The following RBFOX1 variants were observed in gnomAD, a reference collection of about 807,000 sequenced individuals.
The protein encoded by RBFOX1 is RNA binding protein fox-1 homolog 1.
In RBFOX1, 8 loss-of-function variants were observed where a neutral mutation model predicts 57.7. The observed-to-expected ratio is 0.14, with a 90% CI of 0.08 to 0.25. The LOEUF (loss-of-function observed/expected upper bound fraction) is 0.25, where lower values mean the gene tolerates loss of function less well. Among genes scored for constraint, RBFOX1 ranks in the 10% least tolerant of loss-of-function variants. RBFOX1 has a pLI of 1.00. For synonymous variants in RBFOX1, 326 were observed against 222.4 expected (o/e 1.47, Z -4.15); for missense variants, 611 against 548.5 (o/e 1.11, Z -1.14).
chr16:7,523,548 T>G (rs2152285334), intron 5 of RBFOX1, among the ~76,000 whole-genome samples: 1 of 152,306 alleles, frequency 6.6e-6, no homozygotes, highest in South Asian at 2.1e-4. Context: ...AAATGTATGG[T>G]GGACCGGTTA....
At chr16:5,954,273 C>T (rs887027791) in intron 4 of RBFOX1, among the ~76,000 whole-genome samples, 1 of 152,166 alleles carries the variant, frequency 6.6e-6, no homozygotes, top group African/African-American at 2.4e-5. Context: ...CCCCACCCAC[C>T]CACCTCTGGA....
At chr16:6,784,958 C>T (rs910198881) in intron 3 of RBFOX1, among the ~76,000 whole-genome samples, 2 of 151,930 alleles carry the variant, frequency 1.3e-5, no homozygotes, top group African/African-American at 4.8e-5. Context: ...CTTAACTGCT[C>T]ATATAGGGGA....
At chr16:5,856,261 GTA>G (rs34182050) in intron 3 of RBFOX1, among the ~76,000 whole-genome samples, 35,155 of 66,338 alleles carry the variant, frequency 0.53, 10,003 homozygotes, top group Admixed American at 0.6. Context: ...GTATATATAT[GTA>G]TATATATATA....
At chr16:7,167,006 T>TTTTC (rs2079685602) in intron 4 of RBFOX1, among the ~76,000 whole-genome samples, 1 of 115,332 alleles carries the variant, frequency 8.7e-6, no homozygotes, top group Non-Finnish European at 1.8e-5. Context: ...TTTTTTTTTT[T>TTTTC]TGACAGTTTC....
intron 3 of RBFOX1, among the ~76,000 whole-genome samples, chr16:6,985,832 T>TAAAAAAAAAAAAAAAA (rs565941451): frequency 1.0e-5 from 1 of 99,838 alleles, no homozygotes; most frequent in Admixed American, 1.0e-4. Context: ...TGAGTTCATG[T>TAAAAAAAAAAAAAAAA]AAAAAAAAAA....
intron 2 of RBFOX1, among the ~76,000 whole-genome samples, chr16:6,417,535 G>A (rs1344868027): frequency 6.7e-6 from 1 of 149,324 alleles, no homozygotes; most frequent in East Asian, 2.0e-4. Context: ...GATTACAGGC[G>A]CCCACCACCA....
chr16:6,805,659 G>C, intron 3 of RBFOX1, among the ~76,000 whole-genome samples: 1 of 152,256 alleles, frequency 6.6e-6, no homozygotes, highest in Admixed American at 6.5e-5. Flanking sequence ...AGGGAAGTCT[G>C]TTAATGAATG....
At chr16:6,726,084 A>G (rs1043864484) in intron 3 of RBFOX1, among the ~76,000 whole-genome samples, 3 of 152,192 alleles carry the variant, frequency 2.0e-5, no homozygotes, top group African/African-American at 7.2e-5. Context: ...TGATTATGTT[A>G]TTCAGTGTTA....
At chr16:5,673,032 G>A (rs1310877497) in intron 3 of RBFOX1, among the ~76,000 whole-genome samples, 1 of 152,150 alleles carries the variant, frequency 6.6e-6, no homozygotes, top group African/African-American at 2.4e-5. Flanking sequence ...TGGGGTGGGT[G>A]AGATGGTGGA....
chr16:5,546,842 G>C (rs1305834982), intron 2 of RBFOX1, among the ~76,000 whole-genome samples: 1 of 152,130 alleles, frequency 6.6e-6, no homozygotes, highest in Non-Finnish European at 1.5e-5. Flanking sequence ...TGGAGAAAAT[G>C]TCTGCAAACT....
At chr16:6,490,544 G>T (rs1465073177) in intron 2 of RBFOX1, among the ~76,000 whole-genome samples, 1 of 152,130 alleles carries the variant, frequency 6.6e-6, no homozygotes, top group African/African-American at 2.4e-5. Context: ...TTAGGCATAG[G>T]TATCTGCTTA....
At chr16:7,417,661 T>C (rs1274550620) in intron 4 of RBFOX1, among the ~76,000 whole-genome samples, 3 of 152,120 alleles carry the variant, frequency 2.0e-5, no homozygotes, top group Non-Finnish European at 2.9e-5. Flanking sequence ...CTCTACTCTT[T>C]CGTCCCTGCA....
At chr16:7,680,914 ACACT>A (rs1290323751) in intron 14 of RBFOX1, among the ~76,000 whole-genome samples, 3 of 151,816 alleles carry the variant, frequency 2.0e-5, no homozygotes, top group African/African-American at 7.3e-5. Context: ...ACACACACAC[ACACT>A]CACTTGTGCC....
rs148655498 is a variant in RBFOX1 at position 7,201,061 on chromosome 16, G to T, written c.27+148963G>T. 1.2e-3 allele frequency among the ~76,000 whole-genome samples: 178 copies of T among 152,310 alleles called. 1 individual carries two copies. Among genetic ancestry groups the T allele is most frequent in the African/African-American group, 4.1e-3 (169 of 41,570 alleles). On this transcript the variant is annotated intron_variant, in intron 4 of 15. Transcript: ENST00000550418. ...AACCAAATTGAATTTTATGAGATCA[G>T]TGTGGGAATCACAAATATAAATTTA...
intron 3 of RBFOX1, among the ~76,000 whole-genome samples, chr16:6,767,914 C>G (rs1356174123): frequency 1.7e-5 from 2 of 118,026 alleles, no homozygotes; most frequent in African/African-American, 3.2e-5. Flanking sequence ...GACTCTATCT[C>G]AATAATAATA....
chr16:5,409,829 C>A (rs1449903273), intron 1 of RBFOX1, among the ~76,000 whole-genome samples: 9 of 152,080 alleles, frequency 5.9e-5, no homozygotes, highest in African/African-American at 2.2e-4. Flanking sequence ...GTGGGCAGAT[C>A]ATGAGGTCAG....
intron 4 of RBFOX1, among the ~76,000 whole-genome samples, chr16:7,240,442 T>C (rs185418254): frequency 7.9e-5 from 12 of 152,348 alleles, no homozygotes; most frequent in East Asian, 5.8e-4. Flanking sequence ...TTGATACATA[T>C]AGTGTGTGTT....
intron 2 of RBFOX1, among the ~76,000 whole-genome samples, chr16:6,554,739 C>G (rs2097061892): frequency 2.0e-5 from 3 of 150,942 alleles, no homozygotes; most frequent in Non-Finnish European, 4.4e-5. Flanking sequence ...CACACACACA[C>G]ACACACACAC....
chr16:7,007,800 A>G (rs1479891500), intron 3 of RBFOX1, among the ~76,000 whole-genome samples: 1 of 152,194 alleles, frequency 6.6e-6, no homozygotes, highest in African/African-American at 2.4e-5. Context: ...GGCTGCTGCC[A>G]TTGAAGCCTG....
Sources: gnomAD v4.1 joint callset for allele counts (sites outside exome capture counted in the v4.1 genomes callset) on GRCh38, gnomAD v4.1.1 for gene constraint, MANE v1.5 for transcripts, NCBI Gene and HGNC (gene_info 2026-07-23, HGNC 2026-07-21) for gene names.